The following GALNT18 variants were observed in gnomAD, a reference collection of about 807,000 sequenced individuals.
GALNT18 encodes polypeptide N-acetylgalactosaminyltransferase 18, also known as GalNAc-transferase 18.
Under a neutral mutation model 69.5 loss-of-function variants are expected in GALNT18, and 44 were observed. That is an observed-to-expected ratio of 0.63 (90% CI 0.50 to 0.81). The LOEUF (loss-of-function observed/expected upper bound fraction) is 0.81, where lower values mean the gene tolerates loss of function less well. Among genes scored for constraint, GALNT18 ranks in the 40% least tolerant of loss-of-function variants. GALNT18 has a pLI of 0.00. For missense variants in GALNT18, 715 were observed against 810.0 expected, an observed-to-expected ratio of 0.88 and a Z score of 1.42; for synonymous variants, 364 against 318.2, an observed-to-expected ratio of 1.14 and a Z score of -1.53.
intron 3 of GALNT18, among the ~76,000 whole-genome samples, chr11:11,394,211 A>G (rs945169776): frequency 2.0e-5 from 3 of 152,194 alleles, no homozygotes; most frequent in Non-Finnish European, 4.4e-5. Context: ...GTCTCAATGG[A>G]TGGATGAAGG....
At chr11:11,381,745 G>T (rs921026403) in intron 3 of GALNT18, among the ~76,000 whole-genome samples, 2 of 152,126 alleles carry the variant, frequency 1.3e-5, no homozygotes, top group Non-Finnish European at 2.9e-5. Flanking sequence ...TGAGGCCCTC[G>T]TGGATCCTTC....
rs1856862489 is a variant in GALNT18 at position 11,496,177 on chromosome 11, C to T, written c.236-47241G>A. On this transcript the variant is annotated intron_variant, in intron 1 of 10. Transcript: ENST00000227756. This position sits in a 1 kb window ranked among gnomAD's most constrained non-coding sequence, Gnocchi z 4.0. The stretch of plus-strand genomic sequence containing the variant: ...ATATGGAGAAAGCGTCTCTTGCAAA[C>T]ACTTCTCCACTAACTTAAAGGGCTG... Among the ~76,000 whole-genome samples the T allele has an allele frequency of 2.0e-5, 3 of 152,204 alleles. No homozygotes were observed. The highest frequency in any genetic ancestry group is 1.3e-4 in the Admixed American group (2 of 15,286).
chr11:11,295,500 G>A (rs1003170448), intron 9 of GALNT18, among the ~76,000 whole-genome samples: 14 of 152,072 alleles, frequency 9.2e-5, no homozygotes, highest in Admixed American at 7.2e-4. Context: ...GTCATGGCAA[G>A]TGATGCTGAA....
chr11:11,611,763 G>A (rs768089902), intron 1 of GALNT18, among the ~76,000 whole-genome samples: 1 of 152,200 alleles, frequency 6.6e-6, no homozygotes. Flanking sequence ...ATCTGAAAGA[G>A]CTCTAGTCTG....
intron 1 of GALNT18, among the ~76,000 whole-genome samples, chr11:11,567,907 A>G (rs1714858282): frequency 6.6e-6 from 1 of 152,182 alleles, no homozygotes; most frequent in African/African-American, 2.4e-5. Context: ...TTCTGGTACA[A>G]TGCATTCGTT....
intron 1 of GALNT18, among the ~76,000 whole-genome samples, chr11:11,478,331 G>A (rs1297853718): frequency 6.6e-6 from 1 of 152,216 alleles, no homozygotes; most frequent in Non-Finnish European, 1.5e-5. Flanking sequence ...TTTCAGACAT[G>A]CAAAGGCAAA....
Position 11,581,431 on chromosome 11 carries a change from C to T in GALNT18, c.235+39928G>A, listed in dbSNP as rs1859081965. ...CAGGATTTTCTGCTTCCCTCGCCCA[C>T]CTGTAATAGCTGCTGCATTTCCTGC... On this transcript the variant is annotated intron_variant, in intron 1 of 10. Coordinates refer to ENST00000227756, the MANE Select transcript of GALNT18 (RefSeq NM_198516.3). Among the ~76,000 whole-genome samples the T allele has an allele frequency of 2.6e-5, 4 of 152,186 alleles. No homozygotes were observed. In the South Asian group the frequency reaches 8.3e-4, roughly 32 times the overall value.
intron 10 of GALNT18, among the ~76,000 whole-genome samples, chr11:11,282,977 G>A (rs1564878542): frequency 1.3e-5 from 2 of 152,098 alleles, no homozygotes; most frequent in Non-Finnish European, 1.5e-5. Flanking sequence ...AAGTGTAAGA[G>A]GTGGCCAGGG....
chr11:11,351,106 C>T (rs555955007), intron 6 of GALNT18, among the ~76,000 whole-genome samples: 10 of 152,192 alleles, frequency 6.6e-5, no homozygotes, highest in African/African-American at 1.7e-4. Context: ...GGAAGGTGAC[C>T]GCTTCCCAAT....
At position 11,358,679 on chromosome 11, in the gene GALNT18, T is replaced by C. The variant is rs1398939813; in HGVS notation, c.1092+13836A>G. 2.1e-5 allele frequency among the ~76,000 whole-genome samples: 3 copies of C among 139,806 alleles called. 1 individual carries two copies. The highest frequency in any genetic ancestry group is 5.3e-5 in the African/African-American group (2 of 37,782). The allele number at this position is 139,806 out of a possible 152,430, so 91.7% of individuals were successfully genotyped here. A position where few individuals can be genotyped will look rare whatever the true frequency, so the allele number is the denominator to read the frequency against. ...AAATTCTTGGTCTCAGAAGACCACATAGAAAAACACTTACACCACCATACA... is the reference window on the plus strand; with the variant it reads ...AAATTCTTGGTCTCAGAAGACCACACAGAAAAACACTTACACCACCATACA... On this transcript the variant is annotated intron_variant, in intron 6 of 10. Coordinates refer to ENST00000227756, the MANE Select transcript of GALNT18 (RefSeq NM_198516.3).
At chr11:11,467,994 CT>C (rs1856187039) in intron 1 of GALNT18, among the ~76,000 whole-genome samples, 1 of 152,160 alleles carries the variant, frequency 6.6e-6, no homozygotes, top group Non-Finnish European at 1.5e-5. Context: ...ACTAAGAAGT[CT>C]TAAGAAATTA....
At position 11,604,931 on chromosome 11, in the gene GALNT18, C is replaced by T. The variant is rs1222600622; in HGVS notation, c.235+16428G>A. 6.6e-6 allele frequency among the ~76,000 whole-genome samples: 1 copy of T among 152,076 alleles called. No individual in the cohort carries two copies. Among genetic ancestry groups the T allele is most frequent in the African/African-American group, 2.4e-5 (1 of 41,408 alleles). Reference sequence around the variant, plus strand: ...TTGACCCACTGGCTATTGCTCCTGGCCGTGAGTCTGCGGAGGTAAAAAAAA... The same window carrying T: ...TTGACCCACTGGCTATTGCTCCTGGTCGTGAGTCTGCGGAGGTAAAAAAAA... On this transcript the variant is annotated intron_variant, in intron 1 of 10. Transcript: ENST00000227756. The surrounding 1 kb of genome is among the most constrained non-coding windows in gnomAD (Gnocchi z 5.6).
chr11:11,322,030 A>C (rs1039956700), intron 9 of GALNT18, among the ~76,000 whole-genome samples: 3 of 152,248 alleles, frequency 2.0e-5, no homozygotes, highest in Non-Finnish European at 4.4e-5. Context: ...AGTCAGGGTT[A>C]AAGTGGAGTA....
intron 3 of GALNT18, among the ~76,000 whole-genome samples, chr11:11,427,899 T>C (rs1193940892): frequency 2.0e-5 from 3 of 152,188 alleles, no homozygotes; most frequent in Non-Finnish European, 4.4e-5. Context: ...AGGCAGGGCC[T>C]GATGTCCCCA....
intron 3 of GALNT18, among the ~76,000 whole-genome samples, chr11:11,397,562 C>T (rs940701262): frequency 6.6e-6 from 1 of 152,176 alleles, no homozygotes; most frequent in Admixed American, 6.5e-5. Context: ...CTCCCCGGTT[C>T]AAGTGATTCT....
chr11:11,549,522 C>T (rs1471936250), intron 1 of GALNT18, among the ~76,000 whole-genome samples: 1 of 152,162 alleles, frequency 6.6e-6, no homozygotes, highest in African/African-American at 2.4e-5. Flanking sequence ...AATAATTGGC[C>T]CCAGTCCTTC....
At position 11,587,019 on chromosome 11, in the gene GALNT18, C is replaced by A. The variant is rs1401641436; in HGVS notation, c.235+34340G>T. ...AAATAAATAAATAAATAAATAAACT[C>A]AAATTTCCTCCCATTTTAGAAAAAG... is the stretch of plus-strand genomic sequence containing the variant. On this transcript the variant is annotated intron_variant, in intron 1 of 10. Transcript: ENST00000227756. The surrounding 1 kb of genome is among the most constrained non-coding windows in gnomAD (Gnocchi z 4.4). Among the ~76,000 whole-genome samples, 1 of 149,036 alleles carries A rather than the reference C, an allele frequency of 6.7e-6. No individual in the cohort carries two copies. The highest frequency in any genetic ancestry group is 1.5e-5 in the Non-Finnish European group (1 of 67,828).
Position 11,284,416 on chromosome 11 carries a change from G to C in GALNT18, c.1677+8613C>G, listed in dbSNP as rs189558782. ...AAGGCCTGAAAATGTGCCTTTTAAA[G>C]TTCCCAGGTGCTGTTTCATTGGTGG... is the stretch of plus-strand genomic sequence containing the variant. On this transcript the variant is annotated intron_variant, in intron 10 of 10. Coordinates refer to ENST00000227756, the MANE Select transcript of GALNT18 (RefSeq NM_198516.3). Among the ~76,000 whole-genome samples, 394 of 152,242 alleles carry C rather than the reference G, an allele frequency of 2.6e-3. 3 individuals carry two copies. The highest frequency in any genetic ancestry group is 9.1e-3 in the African/African-American group (377 of 41,514).
At chr11:11,474,574 G>A (rs1856346778) in intron 1 of GALNT18, among the ~76,000 whole-genome samples, 1 of 152,236 alleles carries the variant, frequency 6.6e-6, no homozygotes, top group South Asian at 2.1e-4. Flanking sequence ...CAGGAAAGAA[G>A]TGGCTTGGAT....
Sources: allele counts gnomAD v4.1 joint callset (sites outside exome capture counted in the v4.1 genomes callset), GRCh38; gene constraint gnomAD v4.1.1; non-coding constraint Gnocchi (gnomAD v3.1); transcripts MANE v1.5; gene names NCBI Gene and HGNC (gene_info 2026-07-23, HGNC 2026-07-21).